Variants in RTTN observed in about 807,000 individuals in gnomAD.
RTTN encodes the protein rotatin.
Under a neutral mutation model 269.2 loss-of-function variants are expected in RTTN, and 182 were observed. The observed-to-expected ratio is 0.68, with a 90% CI of 0.60 to 0.76. RTTN has a LOEUF of 0.76. Among genes scored for constraint, RTTN ranks in the 30% least tolerant of loss-of-function variants. RTTN has a pLI of 0.00. For missense variants in RTTN, 2,545 were observed against 2,608.6 expected, an observed-to-expected ratio of 0.98 and a Z score of 0.53; for synonymous variants, 1,006 against 963.5, an observed-to-expected ratio of 1.04 and a Z score of -0.82.
chr18:70,071,518 G>T (rs574098847), intron 34 of RTTN, among the ~76,000 whole-genome samples: 1 of 152,058 alleles, frequency 6.6e-6, no homozygotes, highest in African/African-American at 2.4e-5. Flanking sequence ...GGATATAAAC[G>T]TGATTTCGAG....
At position 70,193,083 on chromosome 18, in the gene RTTN, C is replaced by T. The variant is rs4891822; in HGVS notation, c.1007+205G>A. The T allele has an allele frequency of 0.048, 24,235 of 504,740 alleles. 1,471 individuals carry two copies. Among genetic ancestry groups the T allele is most frequent in the African/African-American group, 0.22 (10,691 of 48,376 alleles). 31.3% of individuals were successfully genotyped at this position (504,740 alleles called of 1,614,324 possible). A position where few individuals can be genotyped will look rare whatever the true frequency, so the allele number is the denominator to read the frequency against. ...TGTTCAAGTACTGAGCACTGAGTTG[C>T]GATGTAATATTTATCTGTCCTTACC... On this transcript the variant is annotated intron_variant, in intron 8 of 48. Coordinates refer to ENST00000640769, the MANE Select transcript of RTTN (RefSeq NM_173630.4).
At chr18:70,176,871 CA>C in intron 10 of RTTN, 26 bp from the exon 11 acceptor site, 1 of 1,588,936 alleles carries the variant, frequency 6.3e-7, no homozygotes, top group Non-Finnish European at 8.6e-7. Context: ...CAACATGAAA[CA>C]GAAGAAAACA....
intron 18 of RTTN, among the ~76,000 whole-genome samples, chr18:70,145,020 C>T (rs1352782437): frequency 2.6e-5 from 4 of 152,194 alleles, no homozygotes; most frequent in Non-Finnish European, 4.4e-5. Flanking sequence ...AATGTATTTA[C>T]AGCCGCTGCC....
chr18:70,176,649 C>G (rs774587818), intron 11 of RTTN, 26 bp downstream of exon 11: 2 of 1,600,800 alleles, frequency 1.2e-6, no homozygotes, highest in Admixed American at 1.7e-5. Context: ...CTGTAAAGTA[C>G]AAATGAGCAG....
Position 70,092,012 on chromosome 18 carries a change from C to T in RTTN, c.4143+98G>A, listed in dbSNP as rs183455671. On this transcript the variant is annotated intron_variant, in intron 30 of 48. Transcript: ENST00000640769. The stretch of plus-strand genomic sequence containing the variant: ...TCGTGATCTGCCCACCTCAGCCTCC[C>T]AACAAGCTGGGATTACAGGCATGAG... The T allele has an allele frequency of 5.1e-4, 335 of 650,746 alleles. 9 individuals carry two copies. Among genetic ancestry groups the T allele is most frequent in the South Asian group, 4.5e-3 (250 of 55,146 alleles). The allele number at this position is 650,746 out of a possible 1,614,324, so 40.3% of individuals were successfully genotyped here. A position where few individuals can be genotyped will look rare whatever the true frequency, so the allele number is the denominator to read the frequency against.
chr18:70,111,871 T>C (rs2059476740), intron 27 of RTTN, among the ~76,000 whole-genome samples: 1 of 151,920 alleles, frequency 6.6e-6, no homozygotes, highest in Non-Finnish European at 1.5e-5. Flanking sequence ...TACCAAAGAT[T>C]AAATGAAGGA....
chr18:70,085,458 T>C (rs2058677558), intron 32 of RTTN, among the ~76,000 whole-genome samples: 1 of 152,172 alleles, frequency 6.6e-6, no homozygotes, highest in Admixed American at 6.5e-5. Flanking sequence ...CTTGCTACGG[T>C]TCAGCTTGTT....
intron 14 of RTTN, among the ~76,000 whole-genome samples, chr18:70,164,024 TAG>T (rs1219904334): frequency 1.3e-5 from 2 of 152,048 alleles, no homozygotes; most frequent in African/African-American, 4.8e-5. Context: ...CTCAAATTCA[TAG>T]AGACAGAAAG....
At chr18:70,027,687 T>C (rs906213979) in intron 43 of RTTN, among the ~76,000 whole-genome samples, 2 of 152,216 alleles carry the variant, frequency 1.3e-5, no homozygotes, top group Non-Finnish European at 2.9e-5. Context: ...CATAATATCA[T>C]AAGCATGAAG....
chr18:70,064,975 T>C (rs991094215), intron 35 of RTTN, among the ~76,000 whole-genome samples: 1 of 152,170 alleles, frequency 6.6e-6, no homozygotes, highest in African/African-American at 2.4e-5. Flanking sequence ...TTTGCTCCTT[T>C]TGTTCTTAAG....
intron 28 of RTTN, among the ~76,000 whole-genome samples, chr18:70,100,165 T>C (rs970933476): frequency 6.6e-6 from 1 of 152,260 alleles, no homozygotes; most frequent in African/African-American, 2.4e-5. Context: ...ATAAATTACC[T>C]TGGCCAGTAT....
chr18:70,147,105 G>A (rs1339617852), intron 17 of RTTN, among the ~76,000 whole-genome samples: 1 of 152,132 alleles, frequency 6.6e-6, no homozygotes, highest in Non-Finnish European at 1.5e-5. Flanking sequence ...TTGTTCTCTG[G>A]TATATACATT....
At chr18:70,063,443 G>A (rs1234607396) in intron 35 of RTTN, among the ~76,000 whole-genome samples, 1 of 152,102 alleles carries the variant, frequency 6.6e-6, no homozygotes, top group Admixed American at 6.6e-5. Flanking sequence ...TATTACGCCT[G>A]TAATCCCAGC....
chr18:70,102,927 G>A (rs902077999), intron 28 of RTTN, among the ~76,000 whole-genome samples: 1 of 151,728 alleles, frequency 6.6e-6, no homozygotes, highest in African/African-American at 2.4e-5. Flanking sequence ...GAGCGCCTCT[G>A]CCCGGGCGCC....
intron 34 of RTTN, among the ~76,000 whole-genome samples, chr18:70,069,322 C>T (rs1000214729): frequency 9.2e-5 from 14 of 151,976 alleles, no homozygotes; most frequent in African/African-American, 3.1e-4. Flanking sequence ...CAAATATATA[C>T]AATTTTATTT....
At chr18:70,163,064 A>T (rs943718339) in intron 14 of RTTN, among the ~76,000 whole-genome samples, 1 of 91,664 alleles carries the variant, frequency 1.1e-5, no homozygotes, top group African/African-American at 3.9e-5. Context: ...GATGGTTACT[A>T]TTATTAAAAA....
intron 28 of RTTN, 43 bp from the exon 29 acceptor site, chr18:70,092,847 A>T: frequency 6.5e-7 from 1 of 1,547,434 alleles, no homozygotes; most frequent in Admixed American, 1.7e-5. Context: ...CTTTATTCTC[A>T]ATGGTATATA....
At chr18:70,201,815 C>T in intron 4 of RTTN, 79 bp downstream of exon 4, 3 of 822,424 alleles carry the variant, frequency 3.6e-6, no homozygotes, top group Non-Finnish European at 4.0e-6. Flanking sequence ...GGTAAAAATA[C>T]ATCTTCACAA....
At chr18:70,143,699 C>T (rs1003908411) in intron 18 of RTTN, among the ~76,000 whole-genome samples, 20 of 151,920 alleles carry the variant, frequency 1.3e-4, no homozygotes, top group African/African-American at 3.6e-4. Flanking sequence ...CCCCATGACA[C>T]GAGTTTACCT....
Sources: allele counts gnomAD v4.1 joint callset (sites outside exome capture counted in the v4.1 genomes callset), GRCh38; gene constraint gnomAD v4.1.1; transcripts MANE v1.5; gene names NCBI Gene and HGNC (gene_info 2026-07-23, HGNC 2026-07-21).